ABI2: variants seen among roughly 807,000 people sequenced by gnomAD.
ABI2 encodes abelson interactor 2.
ABI2 carries 25 observed loss-of-function variants against 59.2 expected under a neutral mutation model. The ratio of observed to expected loss-of-function variants is 0.42; its 90% CI spans 0.31 to 0.59. ABI2 has a LOEUF of 0.59. Among genes scored for constraint, ABI2 ranks in the 20% least tolerant of loss-of-function variants. The pLI, the probability that ABI2 is intolerant of heterozygous loss-of-function variation, is 0.14. For synonymous variants in ABI2, 213 were observed against 235.5 expected, an observed-to-expected ratio of 0.90 and a Z score of 0.87; for missense variants, 545 against 681.8, an observed-to-expected ratio of 0.80 and a Z score of 2.23.
At chr2:203,379,123 T>C (rs1005223596) in intron 2 of ABI2, among the ~76,000 whole-genome samples, 1 of 152,234 alleles carries the variant, frequency 6.6e-6, no homozygotes, top group Non-Finnish European at 1.5e-5. Flanking sequence ...AATACATTCT[T>C]ACTCGTATGT....
At chr2:203,335,907 C>G (rs533165838) in intron 1 of ABI2, among the ~76,000 whole-genome samples, 5 of 152,256 alleles carry the variant, frequency 3.3e-5, no homozygotes, top group African/African-American at 9.6e-5. Context: ...AGTCATGTAA[C>G]CACCACAATG....
chr2:203,423,850 A>G (rs979191873), intron 11 of ABI2, among the ~76,000 whole-genome samples: 1 of 152,194 alleles, frequency 6.6e-6, no homozygotes, highest in Non-Finnish European at 1.5e-5. Context: ...AGTTTTTTTC[A>G]GTTTTACAGA....
At chr2:203,375,886 T>C in intron 2 of ABI2, 1 of 435,332 alleles carries the variant, frequency 2.3e-6, no homozygotes. Flanking sequence ...AAACTCCAAA[T>C]AGAACCGTAG....
intron 1 of ABI2, among the ~76,000 whole-genome samples, chr2:203,335,769 T>C (rs968838642): frequency 1.3e-5 from 2 of 152,242 alleles, no homozygotes; most frequent in East Asian, 1.9e-4. Context: ...AGCTTTGTTT[T>C]GAATCATTTA....
At chr2:203,342,969 T>C (rs371221385) in intron 1 of ABI2, among the ~76,000 whole-genome samples, 4 of 152,238 alleles carry the variant, frequency 2.6e-5, no homozygotes, top group African/African-American at 9.6e-5. Flanking sequence ...TAATTATGAA[T>C]TTTATTCATG....
rs2153629002 is a variant in ABI2 at position 203,431,634 on chromosome 2, ATTACCT to A, written c.*4286_*4291del. 6.6e-6 allele frequency: 1 copy of A among 151,856 alleles called. No individual in the cohort carries two copies. Among genetic ancestry groups the A allele is most frequent in the African/African-American group, 2.4e-5 (1 of 41,454 alleles). The allele number at this position is 151,856 out of a possible 1,614,324, so 9.4% of individuals were successfully genotyped here. A position where few individuals can be genotyped will look rare whatever the true frequency, so the allele number is the denominator to read the frequency against. ...GTGATTAAATGGAGGCATTGAGCTCATTACCTTTAAGTTTACTTTGTGCTGACCTTT... is the reference window on the plus strand; with the variant it reads ...GTGATTAAATGGAGGCATTGAGCTCATTAAGTTTACTTTGTGCTGACCTTT... On this transcript the variant is annotated 3_prime_UTR_variant, in exon 12 of 12. Coordinates refer to ENST00000261018, the MANE Select transcript of ABI2 (RefSeq NM_001375670.1).
chr2:203,367,114 C>G, intron 2 of ABI2, 70 bp downstream of exon 2: 1 of 1,451,564 alleles, frequency 6.9e-7, no homozygotes, highest in African/African-American at 1.4e-5. Context: ...ATCTGTAATG[C>G]TGGCAGCTTT....
rs574481986 is a variant in ABI2, at chr2:203,400,202, C to T, written c.1034-2374C>T. On this transcript the variant is annotated intron_variant, in intron 8 of 11. Transcript: ENST00000261018. Reference sequence around the variant, plus strand: ...GCCTGGATTCAAGTGATTCTCCTGCCGTAGCCTCCTGAGGAGCTGGGATTA... The same window carrying T: ...GCCTGGATTCAAGTGATTCTCCTGCTGTAGCCTCCTGAGGAGCTGGGATTA... Among the ~76,000 whole-genome samples, 54 of 148,042 alleles carry T rather than the reference C, an allele frequency of 3.6e-4. No homozygotes were observed. The East Asian group carries it at 0.01, about 28-fold the overall frequency.
At chr2:203,355,428 C>T in intron 1 of ABI2, 1 of 168,718 alleles carries the variant, frequency 5.9e-6, no homozygotes, top group Non-Finnish European at 1.3e-5. Flanking sequence ...TAGAGGATTG[C>T]TTGAGCCTGA....
intron 1 of ABI2, among the ~76,000 whole-genome samples, chr2:203,358,904 C>T (rs1380273791): frequency 1.3e-5 from 2 of 152,120 alleles, no homozygotes; most frequent in Non-Finnish European, 2.9e-5. Context: ...CTTAGCTGCT[C>T]CGGAGACTGA....
intron 1 of ABI2, among the ~76,000 whole-genome samples, chr2:203,363,738 C>A (rs533064777): frequency 1.2e-4 from 18 of 152,256 alleles, no homozygotes; most frequent in African/African-American, 4.3e-4. Flanking sequence ...AATAGTACTC[C>A]ATTGGGCATA....
chr2:203,355,674 A>G (rs1441173392), intron 1 of ABI2, among the ~76,000 whole-genome samples: 4 of 151,950 alleles, frequency 2.6e-5, no homozygotes, highest in African/African-American at 9.7e-5. Flanking sequence ...TACTAAAAAA[A>G]TACAGAATTA....
chr2:203,373,236 G>A (rs893798915), intron 2 of ABI2, among the ~76,000 whole-genome samples: 6 of 152,192 alleles, frequency 3.9e-5, no homozygotes, highest in East Asian at 1.9e-4. Context: ...CGAGGCTGGC[G>A]GATCACTCGC....
At chr2:203,334,794 G>A (rs1469254628) in intron 1 of ABI2, among the ~76,000 whole-genome samples, 2 of 151,924 alleles carry the variant, frequency 1.3e-5, no homozygotes, top group Non-Finnish European at 2.9e-5. Context: ...CTGAGTAGCT[G>A]GGATTACAGG....
At chr2:203,409,571 T>C (rs753080554) in intron 9 of ABI2, among the ~76,000 whole-genome samples, 23 of 152,270 alleles carry the variant, frequency 1.5e-4, no homozygotes, top group South Asian at 1.0e-3. Flanking sequence ...TTACGAAGGG[T>C]AAAAATCTAA....
intron 4 of ABI2, among the ~76,000 whole-genome samples, chr2:203,384,533 C>T (rs2096373482): frequency 1.3e-5 from 2 of 151,934 alleles, no homozygotes; most frequent in African/African-American, 4.8e-5. Flanking sequence ...TGGTCTCGAA[C>T]TCCTGTGCTC....
At position 203,394,841 on chromosome 2, in the gene ABI2, T is replaced by G. The variant is rs1225318132; in HGVS notation, c.720T>G (p.Thr240=). 1.2e-6 allele frequency: 2 copies of G among 1,614,068 alleles called. No individual in the cohort carries two copies. Among genetic ancestry groups the G allele is most frequent in the East Asian group, 2.2e-5 (1 of 44,882 alleles). The change falls in exon 6 of 12, where the codon ACT becomes ACG. Residue 240 remains threonine, a synonymous_variant. Transcript: ENST00000261018. ...CTTCTGTGAATCAAAGAAATCGAAC[T>G]TACAGGTATTTTCTCTACCTCAGTG... ...RTASVNQRNR[T]YSSSGSSGGS...
intron 1 of ABI2, among the ~76,000 whole-genome samples, chr2:203,359,494 G>C (rs993390764): frequency 6.6e-6 from 1 of 152,142 alleles, no homozygotes; most frequent in African/African-American, 2.4e-5. Context: ...CAATATACAG[G>C]TTATATTCAA....
At position 203,429,435 on chromosome 2, in the gene ABI2, T is replaced by C. The variant is rs544586210; in HGVS notation, c.*2083T>C. 37 of 152,340 alleles carry C rather than the reference T, an allele frequency of 2.4e-4. No individual in the cohort carries two copies. The highest frequency in any genetic ancestry group is 8.4e-4 in the African/African-American group (35 of 41,574). The allele number at this position is 152,340 out of a possible 1,614,324, so 9.4% of individuals were successfully genotyped here. A position where few individuals can be genotyped will look rare whatever the true frequency, so the allele number is the denominator to read the frequency against. ...TTGCTGAGAAAGCTTAGTGGATTAATGAGGCAGAGGGTGTTTTGAAATCCA... is the reference window on the plus strand; with the variant it reads ...TTGCTGAGAAAGCTTAGTGGATTAACGAGGCAGAGGGTGTTTTGAAATCCA... On this transcript the variant is annotated 3_prime_UTR_variant, in exon 12 of 12. Coordinates refer to ENST00000261018, the MANE Select transcript of ABI2 (RefSeq NM_001375670.1).
Sources: allele counts gnomAD v4.1 joint callset (sites outside exome capture counted in the v4.1 genomes callset), GRCh38; gene constraint gnomAD v4.1.1; transcripts MANE v1.5; gene names NCBI Gene and HGNC (gene_info 2026-07-23, HGNC 2026-07-21).